The following FARS2 variants were observed in gnomAD, a reference collection of about 807,000 sequenced individuals.
FARS2 encodes phenylalanine--tRNA ligase, mitochondrial.
A neutral mutation model predicts 46.4 loss-of-function variants in FARS2; 40 were observed. The observed-to-expected ratio is 0.86, with a 90% CI of 0.67 to 1.12. FARS2 has a LOEUF of 1.12. Ranked by LOEUF, FARS2 falls within the 50% of genes most tolerant of loss-of-function variation. The pLI, the probability that FARS2 is intolerant of heterozygous loss-of-function variation, is 0.00. For missense variants in FARS2, 513 were observed against 567.9 expected (o/e 0.90, Z 0.98); for synonymous variants, 234 against 214.9 (o/e 1.09, Z -0.78).
At chr6:5,491,178 A>G (rs752239458) in intron 4 of FARS2, among the ~76,000 whole-genome samples, 2 of 152,112 alleles carry the variant, frequency 1.3e-5, no homozygotes, top group Admixed American at 6.5e-5. Flanking sequence ...CTGTTGACTC[A>G]TGATGTTGAG....
intron 6 of FARS2, among the ~76,000 whole-genome samples, chr6:5,621,243 C>G (rs958666203): frequency 2.0e-5 from 3 of 151,692 alleles, no homozygotes; most frequent in Non-Finnish European, 2.9e-5. Context: ...TAGGCCACCA[C>G]ACTTGGCTAA....
chr6:5,628,370 C>T (rs1368529141), intron 6 of FARS2, among the ~76,000 whole-genome samples: 1 of 152,178 alleles, frequency 6.6e-6, no homozygotes, highest in Non-Finnish European at 1.5e-5. Context: ...CCACTCTGTC[C>T]CTAGACCATC....
At chr6:5,610,916 A>G (rs1433669302) in intron 5 of FARS2, among the ~76,000 whole-genome samples, 1 of 152,242 alleles carries the variant, frequency 6.6e-6, no homozygotes, top group Admixed American at 6.5e-5. Flanking sequence ...TGGTATGTCC[A>G]CTAGCTCACG....
intron 4 of FARS2, among the ~76,000 whole-genome samples, chr6:5,479,099 G>A (rs1319220069): frequency 6.6e-6 from 1 of 152,140 alleles, no homozygotes; most frequent in African/African-American, 2.4e-5. Flanking sequence ...CTGTATCCTG[G>A]ACATACTTGC....
At chr6:5,393,695 A>C (rs1288851003) in intron 2 of FARS2, among the ~76,000 whole-genome samples, 1 of 152,136 alleles carries the variant, frequency 6.6e-6, no homozygotes, top group Non-Finnish European at 1.5e-5. Context: ...TTAAAATTAT[A>C]ATACAGTTTA....
intron 1 of FARS2, among the ~76,000 whole-genome samples, chr6:5,325,837 AG>A (rs1040246272): frequency 2.0e-5 from 3 of 152,210 alleles, no homozygotes; most frequent in African/African-American, 4.8e-5. Context: ...TGTCAAGGAT[AG>A]GCTGTTAACA....
rs144304182 is a variant in FARS2 at position 5,483,898 on chromosome 6, C to T, written c.904+52726C>T. ...GAAGTGGTTCATGGAGTAATTTGAA[C>T]GGATTCAGGGCCTGCCACCAACACC... On this transcript the variant is annotated intron_variant, in intron 4 of 6. Transcript: ENST00000274680. 3.8e-4 allele frequency among the ~76,000 whole-genome samples: 58 copies of T among 152,056 alleles called. No homozygotes were observed. The East Asian group carries it at 0.01, about 26-fold the overall frequency.
intron 1 of FARS2, among the ~76,000 whole-genome samples, chr6:5,271,279 G>A (rs1421996436): frequency 6.6e-6 from 1 of 152,160 alleles, no homozygotes. Context: ...TTAGAGGAGT[G>A]AGAGAGCTTC....
At chr6:5,596,524 A>T (rs563367409) in intron 5 of FARS2, among the ~76,000 whole-genome samples, 3 of 152,332 alleles carry the variant, frequency 2.0e-5, no homozygotes, top group African/African-American at 7.2e-5. Context: ...CATTTTGCAT[A>T]AGGGAAATTA....
At position 5,662,785 on chromosome 6, in the gene FARS2, C is replaced by T. The variant is rs1024338952; in HGVS notation, c.1217+49465C>T. On this transcript the variant is annotated intron_variant, in intron 6 of 6. Coordinates refer to ENST00000274680, the MANE Select transcript of FARS2 (RefSeq NM_006567.5). ...CTCAGATCAGATCCCCGGGTTTGAA[C>T]GCTGGTCCTGCTACTTGCTGGCCGT... is the stretch of plus-strand genomic sequence containing the variant. 4.6e-5 allele frequency among the ~76,000 whole-genome samples: 7 copies of T among 152,276 alleles called. No individual in the cohort carries two copies. The East Asian group carries it at 5.8e-4, about 13-fold the overall frequency.
At chr6:5,665,304 G>C (rs1344129418) in intron 6 of FARS2, 1 of 152,484 alleles carries the variant, frequency 6.6e-6, no homozygotes, top group East Asian at 1.9e-4. Context: ...CTCTCTCCAG[G>C]GGTGGCTGAG....
At chr6:5,355,616 C>T (rs1248285334) in intron 1 of FARS2, among the ~76,000 whole-genome samples, 1 of 151,988 alleles carries the variant, frequency 6.6e-6, no homozygotes, top group East Asian at 1.9e-4. Context: ...CTCGGCCTCC[C>T]AAAGTGCTGG....
At chr6:5,444,485 AAAAAAAAAGAGAG>A (rs1375222383) in intron 4 of FARS2, among the ~76,000 whole-genome samples, 3 of 92,680 alleles carry the variant, frequency 3.2e-5, no homozygotes, top group African/African-American at 1.8e-4. Context: ...AAAAAAAAAA[AAAAAAAAAGAGAG>A]AGAGAGAGAG....
At chr6:5,507,051 T>C (rs1308031252) in intron 4 of FARS2, among the ~76,000 whole-genome samples, 1 of 152,232 alleles carries the variant, frequency 6.6e-6, no homozygotes, top group Non-Finnish European at 1.5e-5. Flanking sequence ...TAGATCTTTC[T>C]AAAATCCGAT....
At chr6:5,747,291 G>A (rs36058360) in intron 6 of FARS2, among the ~76,000 whole-genome samples, 1,831 of 152,328 alleles carry the variant, frequency 0.012, 38 homozygotes, top group African/African-American at 0.042. Flanking sequence ...TTCAGGAGGA[G>A]GGATGTGATG....
chr6:5,370,804 G>A (rs1224090587), intron 2 of FARS2, among the ~76,000 whole-genome samples: 2 of 152,160 alleles, frequency 1.3e-5, no homozygotes, highest in African/African-American at 4.8e-5. Context: ...CAATTTGGTA[G>A]TTAGTACAAA....
intron 1 of FARS2, among the ~76,000 whole-genome samples, chr6:5,351,117 A>G (rs889769341): frequency 2.0e-5 from 3 of 152,180 alleles, no homozygotes; most frequent in Non-Finnish European, 4.4e-5. Context: ...CATCAAGGCT[A>G]TACTTGTTTC....
rs761074033 is a variant in FARS2 at position 5,368,690 on chromosome 6, G to A, written c.120G>A (p.Glu40=). ...QAWGSRPPAA[E]CATQRAPGSV... ...GGGGATCGAGGCCTCCTGCAGCAGA[G>A]TGTGCCACCCAAAGAGCTCCAGGCA... The change falls in exon 2 of 7, where the codon GAG becomes GAA. Residue 40 remains glutamate, a synonymous_variant. Coordinates refer to ENST00000274680, the MANE Select transcript of FARS2 (RefSeq NM_006567.5). The A allele has an allele frequency of 1.1e-5, 17 of 1,614,082 alleles. No individual in the cohort carries two copies. The highest frequency in any genetic ancestry group is 3.3e-5 in the South Asian group (3 of 91,088).
At chr6:5,645,749 A>T (rs965043184) in intron 6 of FARS2, among the ~76,000 whole-genome samples, 1 of 152,228 alleles carries the variant, frequency 6.6e-6, no homozygotes. Context: ...AGCCGGCTGC[A>T]TTCAGTTGAC....
Sources: allele counts gnomAD v4.1 joint callset (sites outside exome capture counted in the v4.1 genomes callset), GRCh38; gene constraint gnomAD v4.1.1; transcripts MANE v1.5; gene names NCBI Gene and HGNC (gene_info 2026-07-23, HGNC 2026-07-21).